The following XRCC4 variants were observed in gnomAD, a reference collection of about 807,000 sequenced individuals.
XRCC4 encodes X-ray repair cross complementing 4.
Under a neutral mutation model 39.1 loss-of-function variants are expected in XRCC4, and 28 were observed. The observed-to-expected ratio is 0.72, with a 90% confidence interval of 0.53 to 0.98. The LOEUF (loss-of-function observed/expected upper bound fraction) is 0.98, where lower values mean the gene tolerates loss of function less well. XRCC4 is among the 50% of genes least tolerant of loss of function. The pLI, the probability that XRCC4 is intolerant of heterozygous loss-of-function variation, is 0.00. For missense variants in XRCC4, 350 were observed against 376.4 expected (o/e 0.93, Z 0.58); for synonymous variants, 123 against 126.4 (o/e 0.97, Z 0.18).
At chr5:83,305,448 G>GATA (rs1755446686) in intron 7 of XRCC4, among the ~76,000 whole-genome samples, 1 of 152,020 alleles carries the variant, frequency 6.6e-6, no homozygotes, top group East Asian at 1.9e-4. Context: ...CCTTTAAGAT[G>GATA]TATAATTTAA....
chr5:83,302,379 ATG>A (rs1561463572), intron 7 of XRCC4, among the ~76,000 whole-genome samples: 1 of 152,216 alleles, frequency 6.6e-6, no homozygotes, highest in East Asian at 1.9e-4. Flanking sequence ...TGCGAAGAAC[ATG>A]GGAAAAGTGT....
At chr5:83,122,975 T>TA (rs1747083066) in intron 3 of XRCC4, among the ~76,000 whole-genome samples, 1 of 152,156 alleles carries the variant, frequency 6.6e-6, no homozygotes, top group Non-Finnish European at 1.5e-5. Context: ...CAATGTTTTG[T>TA]ATGCACTTGA....
At chr5:83,255,997 T>A (rs931659090) in intron 6 of XRCC4, among the ~76,000 whole-genome samples, 1 of 152,228 alleles carries the variant, frequency 6.6e-6, no homozygotes, top group Non-Finnish European at 1.5e-5. Context: ...ATAACACTAG[T>A]ACTTTTAATT....
intron 6 of XRCC4, among the ~76,000 whole-genome samples, chr5:83,225,448 G>C (rs909165662): frequency 1.1e-4 from 17 of 151,944 alleles, no homozygotes; most frequent in African/African-American, 3.6e-4. Flanking sequence ...TGCTGGAAGT[G>C]GGCTTATTAT....
At chr5:83,145,034 T>C (rs1386875527) in intron 3 of XRCC4, among the ~76,000 whole-genome samples, 4 of 152,136 alleles carry the variant, frequency 2.6e-5, no homozygotes, top group African/African-American at 9.6e-5. Context: ...TAGCTGGGAC[T>C]ACAGGCACCC....
At chr5:83,218,556 A>G (rs1185156878) in intron 6 of XRCC4, among the ~76,000 whole-genome samples, 1 of 152,114 alleles carries the variant, frequency 6.6e-6, no homozygotes, top group Non-Finnish European at 1.5e-5. Flanking sequence ...CATAAGAATA[A>G]TATTAAACCT....
chr5:83,335,130 T>C (rs1328999543), intron 7 of XRCC4, among the ~76,000 whole-genome samples: 3 of 151,994 alleles, frequency 2.0e-5, no homozygotes, highest in Non-Finnish European at 4.4e-5. Context: ...AATGCAGAAA[T>C]TGGCCTGTTA....
chr5:83,111,068 A>G lies in XRCC4; in HGVS notation c.180A>G (p.Ala60=), dbSNP rs1746419371. The change falls in exon 3 of 8, where the codon GCA becomes GCG. Residue 60 remains alanine (A), a synonymous_variant. Transcript: ENST00000396027. ...SEISQEADDM[A]MEKGKYVGEL... Reference sequence around the variant, plus strand: ...TTTCCCAAGAAGCTGATGACATGGCAATGGAAAAAGGGAAATATGTTGGTG... The same window carrying G: ...TTTCCCAAGAAGCTGATGACATGGCGATGGAAAAAGGGAAATATGTTGGTG... 1.9e-6 allele frequency: 3 copies of G among 1,611,584 alleles called. No homozygotes were observed. The East Asian group carries it at 6.7e-5, about 36-fold the overall frequency.
At chr5:83,224,334 T>C (rs554699281) in intron 6 of XRCC4, among the ~76,000 whole-genome samples, 1 of 152,282 alleles carries the variant, frequency 6.6e-6, no homozygotes, top group African/African-American at 2.4e-5. Context: ...AAACATCTTA[T>C]ACTTCTAACA....
At chr5:83,228,282 G>T (rs189808319) in intron 6 of XRCC4, among the ~76,000 whole-genome samples, 264 of 151,918 alleles carry the variant, frequency 1.7e-3, no homozygotes, top group Middle Eastern at 6.8e-3. Context: ...GTATGTGGTA[G>T]ACTAAACTTT....
the XRCC4 span, among the ~76,000 whole-genome samples, chr5:83,370,954 C>T: frequency 6.6e-6 from 1 of 152,090 alleles, no homozygotes; most frequent in South Asian, 2.1e-4. Context: ...CTTTCCACTG[C>T]CTTCAGTAAA....
intron 7 of XRCC4, among the ~76,000 whole-genome samples, chr5:83,309,578 G>A (rs1335396104): frequency 2.7e-5 from 4 of 150,652 alleles, no homozygotes; most frequent in Non-Finnish European, 4.4e-5. Flanking sequence ...TGGCTAACAC[G>A]GTGAAAACCC....
intron 7 of XRCC4, among the ~76,000 whole-genome samples, chr5:83,277,468 A>G (rs1417513820): frequency 1.3e-5 from 2 of 152,212 alleles, no homozygotes; most frequent in Admixed American, 1.3e-4. Flanking sequence ...ATGGACATGC[A>G]ACAGAATGAA....
chr5:83,213,252 G>C (rs1430888295), intron 6 of XRCC4, among the ~76,000 whole-genome samples: 1 of 151,334 alleles, frequency 6.6e-6, no homozygotes, highest in African/African-American at 2.4e-5. Context: ...AAATCTTCAG[G>C]GTGAAAGGAA....
rs980067965 is a variant in XRCC4 at position 83,289,627 on chromosome 5, C to G, written c.893+30950C>G. ...TGGTATGATGTGGGAGAAAAGCATT[C>G]TTGATTTTTGTGATTGAATCTTAGT... is the stretch of plus-strand genomic sequence containing the variant. On this transcript the variant is annotated intron_variant, in intron 7 of 7. Transcript: ENST00000396027. Among the ~76,000 whole-genome samples the G allele has an allele frequency of 2.0e-5, 3 of 151,790 alleles. No individual in the cohort carries two copies. The South Asian group carries it at 6.2e-4, about 31-fold the overall frequency.
Position 83,223,115 on chromosome 5 carries a change from G to T in XRCC4, c.745+18194G>T, listed in dbSNP as rs568825004. On this transcript the variant is annotated intron_variant, in intron 6 of 7. Transcript: ENST00000396027. ...GTCTAACGTGTCATCTATCCTGGAAGATATTCCATGTTCTGATGAGAAGAA... is the reference window on the plus strand; with the variant it reads ...GTCTAACGTGTCATCTATCCTGGAATATATTCCATGTTCTGATGAGAAGAA... Among the ~76,000 whole-genome samples, 12 of 152,248 alleles carry T rather than the reference G, an allele frequency of 7.9e-5. No individual in the cohort carries two copies. In the East Asian group the frequency reaches 2.1e-3, roughly 27 times the overall value.
intron 3 of XRCC4, among the ~76,000 whole-genome samples, chr5:83,145,962 A>G (rs753127542): frequency 6.6e-6 from 1 of 151,664 alleles, no homozygotes; most frequent in Non-Finnish European, 1.5e-5. Context: ...GCAGAGCTCT[A>G]TACTTAGCTT....
intron 7 of XRCC4, among the ~76,000 whole-genome samples, chr5:83,350,663 T>C (rs1349538005): frequency 6.6e-6 from 1 of 152,190 alleles, no homozygotes; most frequent in Non-Finnish European, 1.5e-5. Flanking sequence ...TTCTGGATAT[T>C]AGACTTTTGA....
intron 3 of XRCC4, among the ~76,000 whole-genome samples, chr5:83,161,972 T>C (rs1442223826): frequency 6.6e-6 from 1 of 152,132 alleles, no homozygotes; most frequent in Non-Finnish European, 1.5e-5. Context: ...GAGACCATCC[T>C]GGCTAACATG....
Sources: gnomAD v4.1 joint callset for allele counts (sites outside exome capture counted in the v4.1 genomes callset) on GRCh38, gnomAD v4.1.1 for gene constraint, MANE v1.5 for transcripts, NCBI Gene and HGNC (gene_info 2026-07-23, HGNC 2026-07-21) for gene names.